The following PTH2R variants were observed in gnomAD, a reference collection of about 807,000 sequenced individuals.
The protein encoded by PTH2R is PTH2 receptor.
PTH2R carries 59 observed loss-of-function variants against 60.3 expected under a neutral mutation model. The observed-to-expected ratio is 0.98, with a 90% CI of 0.79 to 1.22. PTH2R has a LOEUF of 1.22. Among genes scored for constraint, PTH2R ranks in the 50% most tolerant of loss-of-function variants. PTH2R has a pLI of 0.00. For missense variants in PTH2R, 749 were observed against 682.6 expected, an observed-to-expected ratio of 1.10 and a Z score of -1.08; for synonymous variants, 256 against 243.8, an observed-to-expected ratio of 1.05 and a Z score of -0.47.
chr2:208,452,568 AAGATG>A (rs1173716476), intron 8 of PTH2R, among the ~76,000 whole-genome samples: 1 of 152,188 alleles, frequency 6.6e-6, no homozygotes, highest in Non-Finnish European at 1.5e-5. Flanking sequence ...GGCTGTAGAA[AAGATG>A]AGGGGTGGAG....
intron 4 of PTH2R, among the ~76,000 whole-genome samples, chr2:208,438,266 G>A (rs1329166017): frequency 6.6e-6 from 1 of 152,110 alleles, no homozygotes; most frequent in African/African-American, 2.4e-5. Context: ...ATTCCAGAAG[G>A]ACCTTTGCAT....
At chr2:208,402,912 T>C (rs1701336812), upstream of PTH2R, among the ~76,000 whole-genome samples, 1 of 152,184 alleles carries the variant, frequency 6.6e-6, no homozygotes, top group Admixed American at 6.5e-5. Context: ...AAGTGATAAA[T>C]GTGGAAACAG....
chr2:208,450,548 A>G (rs1210564771), intron 7 of PTH2R, among the ~76,000 whole-genome samples: 3 of 152,204 alleles, frequency 2.0e-5, no homozygotes, highest in African/African-American at 7.2e-5. Flanking sequence ...AGAGGAACAA[A>G]TAACATCAAT....
Position 208,444,774 on chromosome 2 carries a change from T to G in PTH2R, c.740T>G (p.Leu247Arg), listed in dbSNP as rs1702255212. The G allele has an allele frequency of 6.2e-7, 1 of 1,613,816 alleles. No individual in the cohort carries two copies. Among genetic ancestry groups the G allele is most frequent in the African/African-American group, 1.3e-5 (1 of 74,932 alleles). The change falls in exon 7 of 13, where the codon CTG (leucine) becomes CGG (arginine). Residue 247 changes from leucine to arginine, a missense_variant. Coordinates refer to ENST00000272847, the MANE Select transcript of PTH2R (RefSeq NM_005048.4). ...GCTGTTGTGATGTTTATTTACTTCCTGGCTACAAATTATTATTGGATCCTG... is the reference window on the plus strand; with the variant it reads ...GCTGTTGTGATGTTTATTTACTTCCGGGCTACAAATTATTATTGGATCCTG... Reference protein sequence around the residue: ...KIAVVMFIYFLATNYYWILVE... With the variant: ...KIAVVMFIYFRATNYYWILVE...
chr2:208,408,289 C>T (rs1701459401), intron 1 of PTH2R, among the ~76,000 whole-genome samples: 1 of 152,118 alleles, frequency 6.6e-6, no homozygotes, highest in Admixed American at 6.5e-5. Flanking sequence ...TGAAAAAATT[C>T]ATCAAGTTAC....
intron 1 of PTH2R, among the ~76,000 whole-genome samples, chr2:208,389,826 G>C (rs1339588393): frequency 6.6e-6 from 1 of 151,874 alleles, no homozygotes; most frequent in Non-Finnish European, 1.5e-5. Flanking sequence ...GGGGTTGTTT[G>C]TTTTCTAAAC....
At chr2:208,463,567 A>G (rs1015356579) in intron 9 of PTH2R, among the ~76,000 whole-genome samples, 27 of 152,194 alleles carry the variant, frequency 1.8e-4, no homozygotes, top group African/African-American at 6.5e-4. Flanking sequence ...AATAGTGTAG[A>G]TTACGAGAGT....
intron 1 of PTH2R, among the ~76,000 whole-genome samples, chr2:208,377,476 A>ACGGGGCGGCGGC (rs1700817841): frequency 6.9e-6 from 1 of 144,498 alleles, no homozygotes; most frequent in African/African-American, 2.6e-5. Context: ...CACCTCCCGG[A>ACGGGGCGGCGGC]TGGGGCGGCG....
chr2:208,373,556 A>G (rs1700741135), intron 1 of PTH2R, among the ~76,000 whole-genome samples: 1 of 152,108 alleles, frequency 6.6e-6, no homozygotes, highest in South Asian at 2.1e-4. Flanking sequence ...ACTTAGCAAG[A>G]TGCTGCAACA....
chr2:208,481,183 T>C lies in PTH2R; in HGVS notation c.1076+19T>C, dbSNP rs1239250635. The C allele has an allele frequency of 7.3e-6, 11 of 1,505,036 alleles. No individual in the cohort carries two copies. Among genetic ancestry groups the C allele is most frequent in the African/African-American group, 5.6e-5 (4 of 71,266 alleles). 93.2% of individuals were successfully genotyped at this position (1,505,036 alleles called of 1,614,324 possible). On this transcript the variant is annotated intron_variant, in intron 10 of 12. Coordinates refer to ENST00000272847, the MANE Select transcript of PTH2R (RefSeq NM_005048.4). ...AATACAGGTAATTTCAGGAGAGGCA[T>C]CCATCAGAGGAAATATTTTGGTTAC...
intron 2 of PTH2R, among the ~76,000 whole-genome samples, chr2:208,432,564 T>A (rs1056414347): frequency 1.3e-5 from 2 of 152,138 alleles, no homozygotes; most frequent in African/African-American, 4.8e-5. Context: ...GGGAGTTTAT[T>A]AGAAAGAATT....
chr2:208,468,366 A>G (rs1389624413), intron 9 of PTH2R, among the ~76,000 whole-genome samples: 2 of 152,226 alleles, frequency 1.3e-5, no homozygotes, highest in African/African-American at 2.4e-5. Flanking sequence ...ATAACTCTAA[A>G]TAAGGAAACT....
intron 7 of PTH2R, among the ~76,000 whole-genome samples, chr2:208,446,279 C>T (rs977850044): frequency 6.6e-6 from 1 of 152,050 alleles, no homozygotes; most frequent in African/African-American, 2.4e-5. Flanking sequence ...AGGAGTTTGT[C>T]CCACCGAATC....
intron 2 of PTH2R, among the ~76,000 whole-genome samples, chr2:208,433,693 C>T (rs1477676815): frequency 6.6e-6 from 1 of 152,100 alleles, no homozygotes; most frequent in Non-Finnish European, 1.5e-5. Context: ...ATATTCAGCT[C>T]TAAAACTATT....
chr2:208,365,944 ATATATATATATATATATTTTTTTTT>A (rs1700575117), intron 1 of PTH2R, among the ~76,000 whole-genome samples: 1 of 15,136 alleles, frequency 6.6e-5, no homozygotes, highest in South Asian at 2.4e-3. Context: ...ATATATATAT[ATATATATATATATATATTTTTTTTT>A]TTTTTTTTTT....
chr2:208,404,867 C>T (rs185108165), upstream of PTH2R, among the ~76,000 whole-genome samples: 1 of 152,144 alleles, frequency 6.6e-6, no homozygotes, highest in Non-Finnish European at 1.5e-5. Flanking sequence ...AAGTTCTTTC[C>T]AAATTTAACA....
intron 1 of PTH2R, among the ~76,000 whole-genome samples, chr2:208,361,831 C>T (rs140087383): frequency 6.6e-6 from 1 of 152,066 alleles, no homozygotes; most frequent in East Asian, 1.9e-4. Flanking sequence ...GTTTATCCAT[C>T]CATTTTTCTT....
At chr2:208,420,916 C>T (rs1395093163) in intron 1 of PTH2R, among the ~76,000 whole-genome samples, 1 of 152,214 alleles carries the variant, frequency 6.6e-6, no homozygotes, top group Non-Finnish European at 1.5e-5. Flanking sequence ...GGAATCCTTT[C>T]ATAGCCACAA....
At chr2:208,488,900 G>A (rs943679087) in intron 10 of PTH2R, 112 bp from the exon 11 acceptor site, 4 of 1,083,936 alleles carry the variant, frequency 3.7e-6, no homozygotes, top group Non-Finnish European at 5.2e-6. Context: ...TAAAAAGAAA[G>A]TGTCAGCCCC....
Sources: allele counts gnomAD v4.1 joint callset (sites outside exome capture counted in the v4.1 genomes callset), GRCh38; gene constraint gnomAD v4.1.1; transcripts MANE v1.5; gene names NCBI Gene and HGNC (gene_info 2026-07-23, HGNC 2026-07-21).